TENM4: variants seen among roughly 807,000 people sequenced by gnomAD.
TENM4 encodes teneurin transmembrane protein 4, also known as teneurin-4.
A neutral mutation model predicts 243.3 loss-of-function variants in TENM4; 82 were observed. That is an observed-to-expected ratio of 0.34 (90% confidence interval 0.28 to 0.40). The LOEUF (loss-of-function observed/expected upper bound fraction) is 0.40. Ranked by LOEUF, TENM4 falls within the 10% of genes least tolerant of loss-of-function variation. The pLI, the probability that TENM4 is intolerant of heterozygous loss-of-function variation, is 1.00. For missense variants in TENM4, 3,138 were observed against 3,673.3 expected (o/e 0.85, Z 3.77); for synonymous variants, 1,412 against 1,456.3 (o/e 0.97, Z 0.69).
intron 1 of TENM4, among the ~76,000 whole-genome samples, chr11:79,422,003 G>A (rs1313380373): frequency 6.6e-6 from 1 of 152,052 alleles, no homozygotes; most frequent in Non-Finnish European, 1.5e-5. Context: ...CCCACACGTG[G>A]CGCCTGTGAA....
chr11:79,037,984 G>T (rs1435464), intron 6 of TENM4, among the ~76,000 whole-genome samples: 9,032 of 152,194 alleles, frequency 0.059, 547 homozygotes, highest in African/African-American at 0.15. Flanking sequence ...GCTCTAAGAT[G>T]CCTTCTTTTT....
At chr11:79,295,036 G>A (rs1238981516) in intron 2 of TENM4, among the ~76,000 whole-genome samples, 4 of 152,160 alleles carry the variant, frequency 2.6e-5, no homozygotes, top group Non-Finnish European at 5.9e-5. Flanking sequence ...ACGCAGACAG[G>A]AGCCCATACC....
At chr11:78,789,951 T>G (rs1416606416) in intron 15 of TENM4, among the ~76,000 whole-genome samples, 1 of 152,210 alleles carries the variant, frequency 6.6e-6, no homozygotes, top group African/African-American at 2.4e-5. Flanking sequence ...CTTTTCTTCC[T>G]CTGCAAAGTG....
At chr11:78,919,436 C>A (rs993156117) in intron 6 of TENM4, among the ~76,000 whole-genome samples, 2 of 152,132 alleles carry the variant, frequency 1.3e-5, no homozygotes, top group African/African-American at 4.8e-5. Context: ...AAACTCCATG[C>A]TCAGCACCCT....
chr11:78,812,016 C>T, intron 14 of TENM4, 106 bp downstream of exon 14: 2 of 1,408,088 alleles, frequency 1.4e-6, no homozygotes, highest in Non-Finnish European at 1.9e-6. Context: ...GGTGGGGTCA[C>T]AAAATGGCTC....
chr11:78,676,008 G>T, intron 30 of TENM4, 144 bp downstream of exon 30: 2 of 803,294 alleles, frequency 2.5e-6, no homozygotes, highest in Non-Finnish European at 3.7e-6. Flanking sequence ...AAGGGTCTCT[G>T]ATCACACATG....
intron 6 of TENM4, among the ~76,000 whole-genome samples, chr11:78,978,835 T>C (rs967874847): frequency 7.2e-5 from 11 of 151,870 alleles, no homozygotes; most frequent in Non-Finnish European, 1.2e-4. Flanking sequence ...GAGAGCAGAG[T>C]CTGACTGCTG....
Position 78,701,872 on chromosome 11 carries a change from G to T in TENM4, c.4741C>A (p.Pro1581Thr), listed in dbSNP as rs777848560. 6.2e-7 allele frequency: 1 copy of T among 1,614,040 alleles called. No homozygotes were observed. Among genetic ancestry groups the T allele is most frequent in the Non-Finnish European group, 8.5e-7 (1 of 1,179,900 alleles). The stretch of plus-strand genomic sequence containing the variant: ...AACAGATAGAGCTCCTGGTCAATTG[G>T]TGAAGACAGCTCATACATGTTCTGG... ...NTQNMYELSS[P>T]IDQELYLFDT... The change falls in exon 28 of 34, where the codon CCA becomes ACA. Residue 1581 changes from proline to threonine, a missense_variant. Transcript: ENST00000278550.
At chr11:79,141,697 A>G (rs902977886) in intron 4 of TENM4, among the ~76,000 whole-genome samples, 3 of 152,070 alleles carry the variant, frequency 2.0e-5, no homozygotes, top group African/African-American at 7.2e-5. Flanking sequence ...ACAAATAAAC[A>G]AAACCAAACA....
At chr11:79,216,113 T>G (rs1864047085) in intron 2 of TENM4, among the ~76,000 whole-genome samples, 1 of 152,204 alleles carries the variant, frequency 6.6e-6, no homozygotes, top group African/African-American at 2.4e-5. Context: ...TATGCAGCCT[T>G]CCTGAGAGGC....
intron 6 of TENM4, among the ~76,000 whole-genome samples, chr11:79,015,874 T>C (rs2136776058): frequency 6.6e-6 from 1 of 152,332 alleles, no homozygotes. Flanking sequence ...TACCAAGGCA[T>C]GAATTCTGAT....
intron 1 of TENM4, chr11:79,402,082 C>A: frequency 2.3e-6 from 1 of 426,292 alleles, no homozygotes. Context: ...TTACCCCCAG[C>A]TAGATTGTAA....
chr11:79,275,940 C>T (rs1026242674), intron 2 of TENM4, among the ~76,000 whole-genome samples: 1 of 152,222 alleles, frequency 6.6e-6, no homozygotes, highest in Non-Finnish European at 1.5e-5. Flanking sequence ...TTCCATTTCT[C>T]TTTGGATCAT....
intron 6 of TENM4, among the ~76,000 whole-genome samples, chr11:78,990,291 G>T (rs900578605): frequency 6.6e-6 from 1 of 152,066 alleles, no homozygotes; most frequent in Non-Finnish European, 1.5e-5. Flanking sequence ...TTCTGACTTC[G>T]CATCATGAGT....
intron 6 of TENM4, among the ~76,000 whole-genome samples, chr11:78,951,865 C>T (rs1241263891): frequency 6.6e-6 from 1 of 152,114 alleles, no homozygotes. Context: ...CATAGGAGCC[C>T]TATAGATACA....
chr11:79,208,782 G>A (rs1863898354), intron 3 of TENM4, among the ~76,000 whole-genome samples: 1 of 152,184 alleles, frequency 6.6e-6, no homozygotes, highest in African/African-American at 2.4e-5. Context: ...TCTCACCCCT[G>A]GAGTGTTTTC....
At chr11:79,076,051 G>A (rs1419502119) in intron 4 of TENM4, among the ~76,000 whole-genome samples, 1 of 152,176 alleles carries the variant, frequency 6.6e-6, no homozygotes, top group Non-Finnish European at 1.5e-5. Flanking sequence ...ATGCTAACGT[G>A]GGTCTTGGTT....
intron 6 of TENM4, among the ~76,000 whole-genome samples, chr11:78,968,321 G>A (rs1409841390): frequency 1.3e-5 from 2 of 152,180 alleles, no homozygotes; most frequent in Admixed American, 1.3e-4. Context: ...GTCTTACTCT[G>A]TCACCCAGGC....
At chr11:78,750,736 A>G (rs1323216286) in intron 19 of TENM4, among the ~76,000 whole-genome samples, 2 of 152,208 alleles carry the variant, frequency 1.3e-5, no homozygotes, top group Non-Finnish European at 2.9e-5. Flanking sequence ...TTTGGGTTCA[A>G]TGACAAACAA....
Sources: allele counts gnomAD v4.1 joint callset (sites outside exome capture counted in the v4.1 genomes callset), GRCh38; gene constraint gnomAD v4.1.1; transcripts MANE v1.5; gene names NCBI Gene and HGNC (gene_info 2026-07-23, HGNC 2026-07-21).